The following TTLL6 variants were observed in gnomAD, a reference collection of about 807,000 sequenced individuals.
TTLL6 encodes the protein tubulin polyglutamylase TTLL6.
TTLL6 carries 75 observed loss-of-function variants against 96.4 expected under a neutral mutation model. The ratio of observed to expected loss-of-function variants is 0.78; its 90% CI spans 0.65 to 0.94. The LOEUF is 0.94. Among genes scored for constraint, TTLL6 ranks in the 40% least tolerant of loss-of-function variants. The pLI, the probability that TTLL6 is intolerant of heterozygous loss-of-function variation, is 0.00. For synonymous variants in TTLL6, 411 were observed against 419.4 expected, an observed-to-expected ratio of 0.98 and a Z score of 0.24; for missense variants, 1,030 against 1,093.0, an observed-to-expected ratio of 0.94 and a Z score of 0.81.
chr17:48,782,397 C>G (rs894656399), intron 13 of TTLL6, among the ~76,000 whole-genome samples: 16 of 152,292 alleles, frequency 1.1e-4, no homozygotes, highest in Admixed American at 9.2e-4. Flanking sequence ...TCAGGTGATC[C>G]TCCCACCTTG....
At chr17:48,763,045 A>G in intron 15 of TTLL6, 72 bp from the exon 16 acceptor site, 1 of 406,470 alleles carries the variant, frequency 2.5e-6, no homozygotes, top group Non-Finnish European at 4.8e-6. Flanking sequence ...CAATGAACTC[A>G]TCATCACCAT....
At chr17:48,798,070 T>A (rs2039350000) in intron 6 of TTLL6, among the ~76,000 whole-genome samples, 1 of 152,004 alleles carries the variant, frequency 6.6e-6, no homozygotes, top group Admixed American at 6.6e-5. Flanking sequence ...ATCACACCGC[T>A]GCACTCCAGC....
In TTLL6 at chr17:48,796,249, G is replaced by T. The variant is rs552980098; in HGVS notation, c.913-103C>A. On this transcript the variant is annotated intron_variant, in intron 7 of 15. Transcript: ENST00000393382. ...CCCCTGGGGCTTGAAGGGATGGAAA[G>T]AAAGGGAAGTTTTAGGGCTTATTTA... The T allele has an allele frequency of 6.5e-5, 58 of 897,358 alleles. No homozygotes were observed. The African/African-American group carries it at 9.1e-4, about 14-fold the overall frequency. The allele number at this position is 897,358 out of a possible 1,614,324, so 55.6% of individuals were successfully genotyped here.
chr17:48,791,989 G>C (rs74655323), intron 8 of TTLL6, among the ~76,000 whole-genome samples: 2,809 of 152,238 alleles, frequency 0.018, 106 homozygotes, highest in African/African-American at 0.065. Context: ...GAAGCATGTG[G>C]GCAGCCTTTT....
At position 48,770,014 on chromosome 17, in the gene TTLL6, G is replaced by T; in HGVS notation, c.2124C>A (p.Thr708=). The change falls in exon 14 of 16, where the codon ACC becomes ACA. Residue 708 remains threonine, a synonymous_variant. Coordinates refer to ENST00000393382, the MANE Select transcript of TTLL6 (RefSeq NM_001130918.3). The part of the protein sequence containing the change: ...SPKSPPTLAV[T]ASSEYSGPET... The stretch of plus-strand genomic sequence containing the variant: ...CTGGGCCACTGTACTCAGAGCTGGC[G>T]GTCACAGCCAGGGTTGGCGGAGACT... 1.9e-6 allele frequency: 3 copies of T among 1,614,126 alleles called. No homozygotes were observed. Among genetic ancestry groups the T allele is most frequent in the East Asian group, 2.2e-5 (1 of 44,884 alleles).
At chr17:48,811,223 C>T (rs1172433092) in intron 1 of TTLL6, among the ~76,000 whole-genome samples, 4 of 151,670 alleles carry the variant, frequency 2.6e-5, no homozygotes, top group Non-Finnish European at 5.9e-5. Flanking sequence ...TGCCTGTCAC[C>T]ATGCCTGGCT....
chr17:48,782,736 CAG>C (rs2039013381), intron 13 of TTLL6, among the ~76,000 whole-genome samples: 1 of 150,944 alleles, frequency 6.6e-6, no homozygotes, highest in Non-Finnish European at 1.5e-5. Context: ...TTTTTTGAGA[CAG>C]AGTCTCGCTC....
Position 48,786,060 on chromosome 17 carries a change from G to A in TTLL6, c.1761+104C>T, listed in dbSNP as rs924814869. The A allele has an allele frequency of 1.1e-5, 17 of 1,522,116 alleles. 1 individual carries two copies. The highest frequency in any genetic ancestry group is 4.1e-5 in the African/African-American group (3 of 72,496). The allele number at this position is 1,522,116 out of a possible 1,614,324, so 94.3% of individuals were successfully genotyped here. ...TGCCCAGCCCTCTGCACAGCCTTTC[G>A]GTGTGTCTGGGCTCTGAGCAGTGGT... is the stretch of plus-strand genomic sequence containing the variant. On this transcript the variant is annotated intron_variant, in intron 12 of 15. Transcript: ENST00000393382.
Position 48,799,672 on chromosome 17 carries a change from A to C in TTLL6, c.700T>G (p.Phe234Val). Residue 234 changes from phenylalanine (F) to valine (V), a missense_variant, in exon 6 of 16, where the codon TTC becomes GTC. Physicochemically the swap from Phe to Val is conservative, Grantham distance 50 (BLOSUM62 -1). Coordinates refer to ENST00000393382, the MANE Select transcript of TTLL6 (RefSeq NM_001130918.3). The stretch of plus-strand genomic sequence containing the variant: ...ATTTCTTTCACTGTCCGGGTGATGA[A>C]TATACCTTTCCCTTGGCAGCCCGAA... ...PDSGCQGKGI[F>V]ITRTVKEIKP... is the part of the protein sequence containing the mutation. 1 of 1,551,888 alleles carries C rather than the reference A, an allele frequency of 6.4e-7. No homozygotes were observed. The highest frequency in any genetic ancestry group is 8.7e-7 in the Non-Finnish European group (1 of 1,147,008).
chr17:48,797,019 C>T (rs2039327687), intron 7 of TTLL6, 42 bp downstream of exon 7: 11 of 1,518,510 alleles, frequency 7.2e-6, no homozygotes, highest in African/African-American at 4.2e-5. Context: ...TTTTTAATCA[C>T]GCTATGGGGG....
chr17:48,768,901 T>A (rs539427893), intron 15 of TTLL6, 88 bp downstream of exon 15: 3 of 1,363,652 alleles, frequency 2.2e-6, no homozygotes, highest in Non-Finnish European at 3.1e-6. Flanking sequence ...TATCAATCCA[T>A]CCATCCTCCT....
intron 1 of TTLL6, among the ~76,000 whole-genome samples, chr17:48,808,776 G>A (rs1401830660): frequency 1.3e-5 from 2 of 151,982 alleles, no homozygotes; most frequent in East Asian, 3.9e-4. Flanking sequence ...TCACCATGTT[G>A]GCCAGCCTGG....
chr17:48,785,001 C>T lies in TTLL6; in HGVS notation c.1962G>A (p.Lys654=), dbSNP rs1469304213. The stretch of plus-strand genomic sequence containing the variant: ...TGAAGTTGGGTTTACTGGGCTCCAA[C>T]TTCGAGCTGCTGAGATTGATATTCC... The part of the protein sequence containing the change: ...DLRNINLSSS[K]LEPSKPNFSI... The change falls in exon 13 of 16, where the codon AAG becomes AAA. Residue 654 remains lysine, a synonymous_variant. Coordinates refer to ENST00000393382, the MANE Select transcript of TTLL6 (RefSeq NM_001130918.3). The T allele has an allele frequency of 7.4e-6, 12 of 1,614,102 alleles. No individual in the cohort carries two copies. The highest frequency in any genetic ancestry group is 9.3e-6 in the Non-Finnish European group (11 of 1,180,044).
intron 15 of TTLL6, among the ~76,000 whole-genome samples, chr17:48,768,461 G>A (rs1253885980): frequency 1.3e-5 from 2 of 151,936 alleles, no homozygotes; most frequent in South Asian, 2.1e-4. Context: ...TAGTAGAGAC[G>A]GGGTTCCACT....
chr17:48,807,375 G>T (rs1408257542), intron 1 of TTLL6, among the ~76,000 whole-genome samples: 1 of 152,058 alleles, frequency 6.6e-6, no homozygotes, highest in Non-Finnish European at 1.5e-5. Context: ...ACAAGTGTGA[G>T]CCACCGTGCC....
rs759498073 is a variant in TTLL6, at chr17:48,785,062, G to A, written c.1901C>T (p.Thr634Met). The change falls in exon 13 of 16, where the codon ACG becomes ATG. Residue 634 changes from threonine to methionine, a missense_variant. By Grantham distance (81) the Thr-to-Met change is moderately conservative. Transcript: ENST00000393382. ...TAGAGAACTGAAGGGCTTCGCAGAC[G>A]TCAGCTTGGGGAAAACAGAGCTGGC... Reference protein sequence around the residue: ...EEASSVFPKLTSAKPFSSLPD... With the variant: ...EEASSVFPKLMSAKPFSSLPD... The A allele has an allele frequency of 9.3e-6, 15 of 1,614,030 alleles. No individual in the cohort carries two copies. Among genetic ancestry groups the A allele is most frequent in the South Asian group, 5.5e-5 (5 of 91,086 alleles).
intron 6 of TTLL6, among the ~76,000 whole-genome samples, chr17:48,797,731 C>G (rs1220839371): frequency 7.3e-6 from 1 of 137,274 alleles, no homozygotes; most frequent in African/African-American, 2.8e-5. Flanking sequence ...GAAATTGCAG[C>G]AAGCCAAGTT....
intron 3 of TTLL6, among the ~76,000 whole-genome samples, chr17:48,803,067 G>A (rs2039451363): frequency 6.6e-6 from 1 of 151,992 alleles, no homozygotes; most frequent in South Asian, 2.1e-4. Flanking sequence ...CTACTCAGGG[G>A]GCTGAGGCAA....
intron 15 of TTLL6, among the ~76,000 whole-genome samples, chr17:48,767,743 C>G (rs1205866141): frequency 6.6e-6 from 1 of 152,164 alleles, no homozygotes; most frequent in Non-Finnish European, 1.5e-5. Context: ...GACCTTCCCT[C>G]AGAAGCACTG....
Sources: allele counts gnomAD v4.1 joint callset (sites outside exome capture counted in the v4.1 genomes callset), GRCh38; gene constraint gnomAD v4.1.1; transcripts MANE v1.5; gene names NCBI Gene and HGNC (gene_info 2026-07-23, HGNC 2026-07-21).